Variants in UNC13A observed in about 807,000 individuals in gnomAD.
The protein encoded by UNC13A is protein unc-13 homolog A.
UNC13A carries 61 observed loss-of-function variants against 219.7 expected under a neutral mutation model. The observed-to-expected ratio is 0.28, with a 90% CI of 0.23 to 0.34. UNC13A has a LOEUF of 0.34. UNC13A is among the 10% of genes least tolerant of loss of function. The pLI is 1.00. For synonymous variants in UNC13A, 920 were observed against 884.6 expected, an observed-to-expected ratio of 1.04 and a Z score of -0.71; for missense variants, 1,476 against 2,270.3, an observed-to-expected ratio of 0.65 and a Z score of 7.11.
At position 17,639,255 on chromosome 19, in the gene UNC13A, T is replaced by C. The variant is rs780658563; in HGVS notation, c.2947-38A>G. On this transcript the variant is annotated intron_variant, in intron 24 of 43. Coordinates refer to ENST00000519716, the MANE Select transcript of UNC13A (RefSeq NM_001080421.3). ...AGAGAGGCATAGGCGGCCACAGCTG[T>C]GACAGGAGGTCCCCAGGAAGTGACT... The C allele has an allele frequency of 8.1e-6, 13 of 1,611,860 alleles. No individual in the cohort carries two copies. The Admixed American group carries it at 1.8e-4, about 23-fold the overall frequency.
In UNC13A at chr19:17,649,598, CAG is replaced by C; in HGVS notation, c.1440-13_1440-12del. ...AGACCGCCCCCTGGGCTGAAAGACACAGAGGGACACTGAGGGCCCAGATGTCC... is the reference window on the plus strand; with the variant it reads ...AGACCGCCCCCTGGGCTGAAAGACACAGGGACACTGAGGGCCCAGATGTCC... On this transcript the variant is annotated splice_polypyrimidine_tract_variant and intron_variant, in intron 12 of 43. Transcript: ENST00000519716. The surrounding 1 kb of genome is among the most constrained non-coding windows in gnomAD (Gnocchi z 4.4). The C allele has an allele frequency of 1.2e-6, 2 of 1,613,838 alleles. No homozygotes were observed.
At position 17,623,657 on chromosome 19, in the gene UNC13A, C is replaced by A. The variant is rs188098975; in HGVS notation, c.4198-110G>T. The A allele has an allele frequency of 5.2e-4, 287 of 549,186 alleles. 2 individuals are homozygous for A. Among genetic ancestry groups the A allele is most frequent in the African/African-American group, 5.0e-3 (251 of 50,302 alleles). The allele number at this position is 549,186 out of a possible 1,614,324, so 34.0% of individuals were successfully genotyped here. A position where few individuals can be genotyped will look rare whatever the true frequency, so the allele number is the denominator to read the frequency against. On this transcript the variant is annotated intron_variant, in intron 35 of 43. Transcript: ENST00000519716. ...AGATGGCAGCACGGAGGGGCAAGAC[C>A]CCTGCCCCAGCCCAGCCCAGAAGAG...
chr19:17,626,150 TATCCATCCATCCATCC>T (rs35036813), intron 34 of UNC13A: 18 of 149,074 alleles, frequency 1.2e-4, no homozygotes, highest in African/African-American at 3.3e-4. Context: ...TCCAACCATT[TATCCATCCATCCATCC>T]ATCCATCCAT....
intron 42 of UNC13A, among the ~76,000 whole-genome samples, chr19:17,610,699 G>A (rs2076594109): frequency 6.6e-6 from 1 of 152,090 alleles, no homozygotes. Context: ...CAATGCTTGT[G>A]GGGGCTGAGC....
intron 1 of UNC13A, 166 bp from the exon 2 acceptor site, chr19:17,676,207 G>C (rs1281360572): frequency 1.3e-6 from 1 of 779,772 alleles, no homozygotes; most frequent in South Asian, 1.5e-5. Context: ...TGTTAAAAAA[G>C]AAAGATAGAA....
At chr19:17,612,689 A>G (rs2076617088) in intron 41 of UNC13A, among the ~76,000 whole-genome samples, 2 of 152,090 alleles carry the variant, frequency 1.3e-5, no homozygotes, top group South Asian at 4.2e-4. Flanking sequence ...TACAATAAAT[A>G]CAAAAATTAG....
Position 17,611,803 on chromosome 19 carries a change from G to A in UNC13A, c.4611C>T (p.Phe1537=), listed in dbSNP as rs777931325. ...VGEVSVHVEL[F]THPGTGEHKV... is the part of the protein sequence containing the mutation. ...TGTGTTCCCCAGTTCCTGGATGAGT[G>A]AACAGCTCAACATGGACAGAGACTT... Residue 1537 remains phenylalanine, a synonymous_variant, in exon 42 of 44, where the codon TTC becomes TTT. Transcript: ENST00000519716. The A allele has an allele frequency of 1.5e-5, 25 of 1,614,074 alleles. No individual in the cohort carries two copies. The highest frequency in any genetic ancestry group is 2.0e-5 in the Non-Finnish European group (24 of 1,180,016).
chr19:17,684,805 G>A (rs191831599), intron 1 of UNC13A, among the ~76,000 whole-genome samples: 230 of 152,340 alleles, frequency 1.5e-3, no homozygotes, highest in Admixed American at 3.9e-3. Flanking sequence ...CCATTTAAGT[G>A]CAGGTGGGAG....
Position 17,601,609 on chromosome 19 carries a change from C to T in UNC13A, c.*4445G>A, listed in dbSNP as rs2076464833. 6.6e-6 allele frequency: 1 copy of T among 152,194 alleles called. No homozygotes were observed. Among genetic ancestry groups the T allele is most frequent in the Non-Finnish European group, 1.5e-5 (1 of 68,026 alleles). The allele number at this position is 152,194 out of a possible 1,614,324, so 9.4% of individuals were successfully genotyped here. On this transcript the variant is annotated 3_prime_UTR_variant, in exon 44 of 44. Transcript: ENST00000519716. The stretch of plus-strand genomic sequence containing the variant: ...TGCTAAGAGTTGTGTGGAGGGGAAG[C>T]CTCCCCGGACTGCTTGGCCGGTTTG...
intron 17 of UNC13A, among the ~76,000 whole-genome samples, chr19:17,646,885 T>C (rs151259580): frequency 0.011 from 1,608 of 149,482 alleles, 14 homozygotes; most frequent in Non-Finnish European, 0.016. Flanking sequence ...GGCCCCAGGA[T>C]GGGCTGACCC....
In UNC13A at chr19:17,649,529, T is replaced by C; in HGVS notation, c.1498A>G (p.Ile500Val). ...SMPDIRKRKP[I>V]PLVSDLAMSL... ...CTTACCAAGTCGCTCACGAGTGGGA[T>C]AGGTTTCCTCTTGCGGATGTCTGGC... is the stretch of plus-strand genomic sequence containing the variant. The change falls in exon 13 of 44, where the codon ATC (isoleucine) becomes GTC (valine). Residue 500 changes from isoleucine (I) to valine (V), a missense_variant. Ile to Val is a conservative substitution (Grantham distance 29, BLOSUM62 3). Transcript: ENST00000519716. The surrounding 1 kb of genome is among the most constrained non-coding windows in gnomAD (Gnocchi z 4.4). The C allele has an allele frequency of 6.2e-7, 1 of 1,613,914 alleles. No homozygotes were observed. Among genetic ancestry groups the C allele is most frequent in the Non-Finnish European group, 8.5e-7 (1 of 1,179,866 alleles).
At chr19:17,628,222 G>A in intron 31 of UNC13A, 1 of 479,464 alleles carries the variant, frequency 2.1e-6, no homozygotes, top group Non-Finnish European at 3.8e-6. Flanking sequence ...AACTCTGGGA[G>A]TAGCAGAGTT....
chr19:17,658,374 A>G, intron 8 of UNC13A, 105 bp from the exon 9 acceptor site: 1 of 1,058,844 alleles, frequency 9.4e-7, no homozygotes, highest in East Asian at 2.6e-5. Flanking sequence ...GAAGAAGAGA[A>G]TTTTTTACTA....
At chr19:17,668,804 T>A (rs539739572) in intron 5 of UNC13A, among the ~76,000 whole-genome samples, 1 of 151,254 alleles carries the variant, frequency 6.6e-6, no homozygotes, top group African/African-American at 2.4e-5. Context: ...TTTTTATTTT[T>A]ATTTTTTTAG....
rs552254547 is a variant in UNC13A at position 17,620,655 on chromosome 19, G to A, written c.4272+38C>T. On this transcript the variant is annotated intron_variant, in intron 38 of 43. Coordinates refer to ENST00000519716, the MANE Select transcript of UNC13A (RefSeq NM_001080421.3). ...CACAGGGGTGGGGTGGGGGGGAGTG[G>A]GATGGGAGCCAGACAGACAGTGAGA... 1.9e-5 allele frequency: 31 copies of A among 1,600,682 alleles called. No homozygotes were observed. In the African/African-American group the frequency reaches 3.9e-4, roughly 20 times the overall value.
At chr19:17,647,634 C>T (rs1005303355) in intron 16 of UNC13A, 142 bp from the exon 17 acceptor site, 13 of 742,610 alleles carry the variant, frequency 1.8e-5, no homozygotes, top group African/African-American at 3.5e-5. Flanking sequence ...GCTTTCTGTA[C>T]CCCCCACCCA....
chr19:17,608,410 TA>T (rs541228716), intron 43 of UNC13A, among the ~76,000 whole-genome samples: 1,494 of 137,958 alleles, frequency 0.011, 37 homozygotes, highest in African/African-American at 0.038. Flanking sequence ...ATATAATATA[TA>T]AAAATATATT....
chr19:17,624,562 T>C (rs541384879), intron 35 of UNC13A, among the ~76,000 whole-genome samples: 1 of 152,316 alleles, frequency 6.6e-6, no homozygotes, highest in East Asian at 1.9e-4. Flanking sequence ...ACCTGATGTC[T>C]TTGACCCCAG....
At position 17,658,138 on chromosome 19, in the gene UNC13A, G is replaced by A. The variant is rs754719859; in HGVS notation, c.691C>T (p.Pro231Ser). ...TAGGACTCCCGGGAGCCCAGGGGTG[G>A]TGGGCGAACAGAATATTGGTGGACT... is the stretch of plus-strand genomic sequence containing the variant. ...ASVHQYSVRP[P>S]PLGSRESYSD... Residue 231 changes from proline to serine, a missense_variant, in exon 9 of 44, where the codon CCA becomes TCA. Pro to Ser is a moderately conservative substitution (Grantham distance 74, BLOSUM62 -1). This residue lies in a region of UNC13A where 351 missense variants were observed against 342.6 expected (regional missense o/e 1.02). Coordinates refer to ENST00000519716, the MANE Select transcript of UNC13A (RefSeq NM_001080421.3). 8.7e-6 allele frequency: 14 copies of A among 1,613,818 alleles called. No homozygotes were observed. The African/African-American group carries it at 1.6e-4, about 18-fold the overall frequency.
Sources: allele counts gnomAD v4.1 joint callset (sites outside exome capture counted in the v4.1 genomes callset), GRCh38; gene constraint gnomAD v4.1.1; regional missense constraint gnomAD v4.1.1; non-coding constraint Gnocchi (gnomAD v3.1); transcripts MANE v1.5; gene names NCBI Gene and HGNC (gene_info 2026-07-23, HGNC 2026-07-21).